Variants in ZBTB20 observed in about 807,000 individuals in gnomAD.
The protein encoded by ZBTB20 is zinc finger and BTB domain containing 20, also known as zinc finger and BTB domain-containing protein 20.
Under a neutral mutation model 56.9 loss-of-function variants are expected in ZBTB20, and 9 were observed. The observed-to-expected ratio is 0.16, with a 90% CI of 0.10 to 0.28. The LOEUF (loss-of-function observed/expected upper bound fraction) is 0.28, where lower values mean the gene tolerates loss of function less well. Among genes scored for constraint, ZBTB20 ranks in the 10% least tolerant of loss-of-function variants. The probability of loss-of-function intolerance (pLI) is 1.00; values close to 1 mark genes in which losing one functional copy is unlikely to be tolerated. For synonymous variants in ZBTB20, 417 were observed against 420.7 expected, an observed-to-expected ratio of 0.99 and a Z score of 0.11; for missense variants, 655 against 1,003.0, an observed-to-expected ratio of 0.65 and a Z score of 4.69.
At chr3:114,959,961 GATTGGCA>G (rs1190240442) in intron 3 of ZBTB20, among the ~76,000 whole-genome samples, 1 of 152,124 alleles carries the variant, frequency 6.6e-6, no homozygotes, top group Non-Finnish European at 1.5e-5. Context: ...AGTACTGAAA[GATTGGCA>G]ATGTGGCCAA....
chr3:114,651,915 T>G (rs563242493), intron 6 of ZBTB20, among the ~76,000 whole-genome samples: 1 of 152,076 alleles, frequency 6.6e-6, no homozygotes, highest in East Asian at 1.9e-4. Context: ...AAGAGAAAAG[T>G]TTTAAAACAG....
At chr3:114,839,213 C>T (rs760083459) in intron 4 of ZBTB20, among the ~76,000 whole-genome samples, 5 of 152,018 alleles carry the variant, frequency 3.3e-5, no homozygotes, top group African/African-American at 4.8e-5. Context: ...CCAGCTTTGG[C>T]AATGTGCCAA....
intron 5 of ZBTB20, among the ~76,000 whole-genome samples, chr3:114,729,911 C>T (rs2065604375): frequency 6.6e-6 from 1 of 151,640 alleles, no homozygotes; most frequent in Non-Finnish European, 1.5e-5. Flanking sequence ...TCAAACAATC[C>T]TCCCATCTTA....
chr3:114,362,352 T>A (rs2081976197), intron 10 of ZBTB20, among the ~76,000 whole-genome samples: 1 of 152,192 alleles, frequency 6.6e-6, no homozygotes, highest in South Asian at 2.1e-4. Context: ...TGTAACTGGA[T>A]CCCTCATTGT....
At chr3:114,654,541 G>A (rs187080602) in intron 6 of ZBTB20, among the ~76,000 whole-genome samples, 1 of 151,498 alleles carries the variant, frequency 6.6e-6, no homozygotes, top group Admixed American at 6.6e-5. Context: ...ACCAGATTAG[G>A]GTCTACTTTA....
At chr3:114,469,049 TG>T (rs1195718624) in intron 7 of ZBTB20, among the ~76,000 whole-genome samples, 1 of 151,460 alleles carries the variant, frequency 6.6e-6, no homozygotes, top group Admixed American at 6.6e-5. Context: ...AGTTTTTTTT[TG>T]GTGTGAAATC....
At chr3:114,389,290 AT>A (rs1210191083) in intron 7 of ZBTB20, among the ~76,000 whole-genome samples, 185 bp from the exon 8 acceptor site, 1 of 152,074 alleles carries the variant, frequency 6.6e-6, no homozygotes, top group Non-Finnish European at 1.5e-5. Flanking sequence ...TCCAGGCTCC[AT>A]TTTCAGTGCT....
intron 7 of ZBTB20, among the ~76,000 whole-genome samples, chr3:114,452,377 G>A (rs766452362): frequency 6.6e-6 from 1 of 152,178 alleles, no homozygotes; most frequent in Non-Finnish European, 1.5e-5. Flanking sequence ...GTAAGTGTAA[G>A]AAGTGAGTTA....
At chr3:114,858,085 G>T (rs918505817) in intron 4 of ZBTB20, among the ~76,000 whole-genome samples, 1 of 152,198 alleles carries the variant, frequency 6.6e-6, no homozygotes, top group Non-Finnish European at 1.5e-5. Flanking sequence ...TGTTGAATTA[G>T]TGTGAGGTCT....
At chr3:115,044,469 G>A (rs2081265602) in intron 2 of ZBTB20, among the ~76,000 whole-genome samples, 1 of 152,136 alleles carries the variant, frequency 6.6e-6, no homozygotes, top group South Asian at 2.1e-4. Flanking sequence ...TAATTTGAAA[G>A]GCAAAATAAA....
At chr3:115,007,628 A>C (rs1272932294) in intron 2 of ZBTB20, among the ~76,000 whole-genome samples, 1 of 151,888 alleles carries the variant, frequency 6.6e-6, no homozygotes, top group Non-Finnish European at 1.5e-5. Context: ...TAGAAAAGAA[A>C]GAAAATCCTT....
intron 6 of ZBTB20, among the ~76,000 whole-genome samples, chr3:114,570,663 T>A (rs1248450260): frequency 2.0e-5 from 3 of 152,144 alleles, no homozygotes; most frequent in African/African-American, 7.2e-5. Context: ...AAATGAATAA[T>A]CTTGCTTGAA....
At chr3:114,879,436 G>C (rs2076314786) in intron 4 of ZBTB20, among the ~76,000 whole-genome samples, 1 of 152,046 alleles carries the variant, frequency 6.6e-6, no homozygotes, top group Non-Finnish European at 1.5e-5. Flanking sequence ...ACCCTCAGTA[G>C]TGACTAAAAT....
chr3:115,123,839 G>A (rs1359486386), intron 1 of ZBTB20, among the ~76,000 whole-genome samples: 3 of 152,156 alleles, frequency 2.0e-5, no homozygotes, highest in East Asian at 1.9e-4. Flanking sequence ...ACAGGACTGA[G>A]GAGAGGCTGG....
At chr3:114,881,026 G>C (rs184078979) in intron 4 of ZBTB20, among the ~76,000 whole-genome samples, 5 of 152,150 alleles carry the variant, frequency 3.3e-5, no homozygotes, top group South Asian at 2.1e-4. Context: ...AAAATAAAAT[G>C]AAGAGTAGGA....
At chr3:114,897,625 T>A (rs1477206485) in intron 4 of ZBTB20, among the ~76,000 whole-genome samples, 1 of 152,112 alleles carries the variant, frequency 6.6e-6, no homozygotes, top group Non-Finnish European at 1.5e-5. Flanking sequence ...TATATATTCT[T>A]GGCTCATCTC....
At chr3:114,652,528 T>C (rs2060188587) in intron 6 of ZBTB20, among the ~76,000 whole-genome samples, 1 of 152,040 alleles carries the variant, frequency 6.6e-6, no homozygotes, top group Admixed American at 6.5e-5. Flanking sequence ...GGAATGTAAT[T>C]ACCAAACAAT....
intron 6 of ZBTB20, among the ~76,000 whole-genome samples, chr3:114,636,534 G>C (rs1027659703): frequency 2.6e-5 from 4 of 152,030 alleles, no homozygotes; most frequent in Admixed American, 2.0e-4. Flanking sequence ...ATAACATGAA[G>C]TGTGTATATA....
chr3:114,468,717 C>T (rs2092644255), intron 7 of ZBTB20, among the ~76,000 whole-genome samples: 1 of 151,926 alleles, frequency 6.6e-6, no homozygotes, highest in African/African-American at 2.4e-5. Flanking sequence ...CTTTGCAATG[C>T]TATTATTTAA....
Sources: allele counts gnomAD v4.1 joint callset (sites outside exome capture counted in the v4.1 genomes callset), GRCh38; gene constraint gnomAD v4.1.1; transcripts MANE v1.5; gene names NCBI Gene and HGNC (gene_info 2026-07-23, HGNC 2026-07-21).